CPNE8: variants seen among roughly 807,000 people sequenced by gnomAD.
CPNE8 encodes copine-8.
In CPNE8, 45 loss-of-function variants were observed where a neutral mutation model predicts 81.5. The ratio of observed to expected loss-of-function variants is 0.55; its 90% confidence interval spans 0.44 to 0.71. The LOEUF (loss-of-function observed/expected upper bound fraction) is 0.71, where lower values mean the gene tolerates loss of function less well. CPNE8 is among the 30% of genes least tolerant of loss of function. The pLI is 0.00. For missense variants in CPNE8, 594 were observed against 672.1 expected (o/e 0.88, Z 1.28); for synonymous variants, 252 against 226.3 (o/e 1.11, Z -1.02).
At chr12:38,830,280 C>T (rs2137023565) in intron 5 of CPNE8, among the ~76,000 whole-genome samples, 1 of 152,180 alleles carries the variant, frequency 6.6e-6, no homozygotes, top group South Asian at 2.1e-4. Flanking sequence ...CTACTATGTA[C>T]TCACAAAAAT....
intron 5 of CPNE8, among the ~76,000 whole-genome samples, chr12:38,838,846 A>G (rs1339125940): frequency 1.6e-4 from 24 of 152,060 alleles, no homozygotes; most frequent in Admixed American, 1.4e-3. Flanking sequence ...TTACCACCAT[A>G]CGTATCCATG....
chr12:38,900,297 T>C (rs1187639847), intron 1 of CPNE8, among the ~76,000 whole-genome samples: 1 of 152,170 alleles, frequency 6.6e-6, no homozygotes, highest in African/African-American at 2.4e-5. Context: ...AAAGCTCAGA[T>C]TCCTGGGTCC....
intron 3 of CPNE8, among the ~76,000 whole-genome samples, chr12:38,864,057 CAAAA>C (rs35534366): frequency 3.3e-5 from 3 of 89,896 alleles, no homozygotes; most frequent in Admixed American, 1.2e-4. Context: ...TCATCTCTCA[CAAAA>C]AAAAAAAAAA....
At chr12:38,791,065 T>C (rs949635453) in intron 6 of CPNE8, among the ~76,000 whole-genome samples, 1 of 151,762 alleles carries the variant, frequency 6.6e-6, no homozygotes, top group African/African-American at 2.4e-5. Flanking sequence ...CAACAAATCT[T>C]TTAACTATGT....
Position 38,693,762 on chromosome 12 carries a change from T to C in CPNE8, c.1038A>G (p.Ala346=). The change falls in exon 15 of 20, where the codon GCA becomes GCG. Residue 346 remains alanine (A), a synonymous_variant. Coordinates refer to ENST00000331366, the MANE Select transcript of CPNE8 (RefSeq NM_153634.3). The stretch of plus-strand genomic sequence containing the variant: ...CATAATCTTGAACAATTTCTCCCAC[T>C]GCTTTTAGTGCCATACCATAGGCAT... ...QLNAYGMALK[A]VGEIVQDYDS... 3.7e-6 allele frequency: 6 copies of C among 1,613,574 alleles called. No individual in the cohort carries two copies. Among genetic ancestry groups the C allele is most frequent in the Non-Finnish European group, 5.1e-6 (6 of 1,179,666 alleles).
At chr12:38,669,222 C>A (rs1354129037) in intron 19 of CPNE8, among the ~76,000 whole-genome samples, 1 of 151,966 alleles carries the variant, frequency 6.6e-6, no homozygotes, top group East Asian at 1.9e-4. Flanking sequence ...ATTCAATTAT[C>A]TTTTTAAAAA....
chr12:38,765,470 T>A (rs979588157), intron 8 of CPNE8, among the ~76,000 whole-genome samples: 4 of 152,158 alleles, frequency 2.6e-5, no homozygotes, highest in Non-Finnish European at 5.9e-5. Flanking sequence ...AGGCTTTTAA[T>A]TAATACTTCC....
chr12:38,895,058 T>C (rs1452193639), intron 1 of CPNE8, among the ~76,000 whole-genome samples: 1 of 152,140 alleles, frequency 6.6e-6, no homozygotes, highest in African/African-American at 2.4e-5. Context: ...TTTGAGATTG[T>C]TCTTAATAAA....
intron 16 of CPNE8, 117 bp from the exon 17 acceptor site, chr12:38,677,671 T>G (rs1939321702): frequency 1.5e-6 from 1 of 659,766 alleles, no homozygotes; most frequent in Admixed American, 2.3e-5. Flanking sequence ...TTGAACATGT[T>G]AGAGGTATAT....
At chr12:38,894,947 A>G (rs1372413177) in intron 1 of CPNE8, among the ~76,000 whole-genome samples, 4 of 152,114 alleles carry the variant, frequency 2.6e-5, no homozygotes, top group African/African-American at 9.7e-5. Flanking sequence ...ATTTCTCAAA[A>G]TGATTATAAA....
At chr12:38,702,305 T>A (rs1199641908) in intron 14 of CPNE8, among the ~76,000 whole-genome samples, 1 of 152,164 alleles carries the variant, frequency 6.6e-6, no homozygotes, top group Admixed American at 6.5e-5. Context: ...TTAAAAGGTT[T>A]AATACATAAA....
chr12:38,725,114 ATTC>A (rs1234456349), intron 11 of CPNE8, among the ~76,000 whole-genome samples: 2 of 152,186 alleles, frequency 1.3e-5, no homozygotes, highest in Non-Finnish European at 2.9e-5. Flanking sequence ...TGTCTGTAAT[ATTC>A]TTCTCACCTG....
chr12:38,748,218 C>T (rs1438146968), intron 10 of CPNE8, among the ~76,000 whole-genome samples: 1 of 151,726 alleles, frequency 6.6e-6, no homozygotes, highest in African/African-American at 2.4e-5. Flanking sequence ...GCCATATTGG[C>T]CAGGCTGGTC....
At chr12:38,747,154 G>C (rs991552833) in intron 10 of CPNE8, among the ~76,000 whole-genome samples, 9 of 152,152 alleles carry the variant, frequency 5.9e-5, no homozygotes, top group African/African-American at 9.7e-5. Context: ...AACACTATAT[G>C]CTCTACTAAC....
At chr12:38,763,887 C>T (rs552529465) in intron 8 of CPNE8, among the ~76,000 whole-genome samples, 1 of 150,696 alleles carries the variant, frequency 6.6e-6, no homozygotes, top group Admixed American at 6.6e-5. Context: ...GATGAAATAT[C>T]CCCCCTTTGA....
intron 6 of CPNE8, among the ~76,000 whole-genome samples, chr12:38,816,504 GGAGCAAC>G (rs1237399110): frequency 5.9e-5 from 9 of 152,128 alleles, no homozygotes; most frequent in African/African-American, 2.2e-4. Context: ...AAACCTAACA[GGAGCAAC>G]TATTGAAGGT....
intron 10 of CPNE8, among the ~76,000 whole-genome samples, chr12:38,744,834 G>A (rs1432482071): frequency 6.6e-6 from 1 of 152,192 alleles, no homozygotes; most frequent in African/African-American, 2.4e-5. Flanking sequence ...CATATTCAAA[G>A]TGTACTTCAG....
chr12:38,787,345 C>A (rs1262395126), intron 6 of CPNE8, among the ~76,000 whole-genome samples: 1 of 151,142 alleles, frequency 6.6e-6, no homozygotes, highest in East Asian at 1.9e-4. Context: ...AAAATATGCT[C>A]CTGAAATGAA....
intron 6 of CPNE8, among the ~76,000 whole-genome samples, chr12:38,819,896 AG>A (rs1229185414): frequency 6.6e-6 from 1 of 152,078 alleles, no homozygotes; most frequent in Non-Finnish European, 1.5e-5. Flanking sequence ...TGGTCCATAA[AG>A]GTCTTTCCTC....
Sources: gnomAD v4.1 joint callset for allele counts (sites outside exome capture counted in the v4.1 genomes callset) on GRCh38, gnomAD v4.1.1 for gene constraint, MANE v1.5 for transcripts, NCBI Gene and HGNC (gene_info 2026-07-23, HGNC 2026-07-21) for gene names.